Variants in EIF4G3 observed in about 807,000 individuals in gnomAD.
The protein encoded by EIF4G3 is eukaryotic translation initiation factor 4 gamma 3.
Under a neutral mutation model 186.4 loss-of-function variants are expected in EIF4G3, and 34 were observed. That is an observed-to-expected ratio of 0.18 (90% CI 0.14 to 0.24). EIF4G3 has a LOEUF of 0.24. Ranked by LOEUF, EIF4G3 falls within the 10% of genes least tolerant of loss-of-function variation. The pLI, the probability that EIF4G3 is intolerant of heterozygous loss-of-function variation, is 1.00. For missense variants in EIF4G3, 1,536 were observed against 1,948.5 expected (o/e 0.79, Z 3.99); for synonymous variants, 673 against 679.5 (o/e 0.99, Z 0.15).
rs2073195524 is a variant in EIF4G3 at position 20,851,250 on chromosome 1, T to G, written c.3772+8A>C. 2 of 1,613,826 alleles carry G rather than the reference T, an allele frequency of 1.2e-6. No individual in the cohort carries two copies. The highest frequency in any genetic ancestry group is 1.7e-6 in the Non-Finnish European group (2 of 1,179,826). On this transcript the variant is annotated splice_region_variant and intron_variant, in intron 28 of 36. Transcript: ENST00000602326. ...CAAATCTGCATCTGTTTAAGCCAAG[T>G]CTCTCACCTGACTCCCTTGTTTTAT...
At chr1:21,173,206 G>GT (rs1275572716) in intron 2 of EIF4G3, among the ~76,000 whole-genome samples, 7 of 123,230 alleles carry the variant, frequency 5.7e-5, no homozygotes, top group East Asian at 5.6e-4. Context: ...CTTTGATTTT[G>GT]TTTTTTTTGA....
chr1:20,883,095 A>C (rs75025836), intron 19 of EIF4G3, among the ~76,000 whole-genome samples: 3 of 151,894 alleles, frequency 2.0e-5, no homozygotes, highest in East Asian at 1.9e-4. Context: ...AAAAAAAAAA[A>C]CATTTCGCTA....
intron 33 of EIF4G3, among the ~76,000 whole-genome samples, chr1:20,818,567 G>A (rs575558960): frequency 2.0e-5 from 3 of 152,236 alleles, no homozygotes; most frequent in Admixed American, 6.5e-5. Flanking sequence ...GCTTGAGCAT[G>A]GGAGGTTGAG....
At chr1:21,172,750 G>A (rs1018034990) in intron 2 of EIF4G3, among the ~76,000 whole-genome samples, 4 of 149,688 alleles carry the variant, frequency 2.7e-5, no homozygotes, top group South Asian at 2.1e-4. Context: ...GGGTTTCACC[G>A]TGTTAGCCAG....
At chr1:20,901,275 G>C (rs931434060) in intron 15 of EIF4G3, among the ~76,000 whole-genome samples, 1 of 152,052 alleles carries the variant, frequency 6.6e-6, no homozygotes, top group African/African-American at 2.4e-5. Flanking sequence ...TACCAAATTT[G>C]AATCATGAAT....
intron 4 of EIF4G3, among the ~76,000 whole-genome samples, chr1:21,008,189 C>G (rs139178769): frequency 6.6e-6 from 1 of 152,262 alleles, no homozygotes; most frequent in Non-Finnish European, 1.5e-5. Context: ...AGTAGGAAGT[C>G]TGCTATTTTA....
intron 20 of EIF4G3, among the ~76,000 whole-genome samples, chr1:20,875,715 C>T (rs2080568244): frequency 6.6e-6 from 1 of 152,134 alleles, no homozygotes; most frequent in African/African-American, 2.4e-5. Context: ...AGTTTACGAC[C>T]AGTCTGGGCA....
intron 36 of EIF4G3, among the ~76,000 whole-genome samples, chr1:20,808,783 C>T (rs879921622): frequency 1.3e-5 from 2 of 152,086 alleles, no homozygotes; most frequent in South Asian, 2.1e-4. Context: ...CTGTTTTAAA[C>T]GTCCAAACTA....
At position 20,849,402 on chromosome 1, in the gene EIF4G3, T is replaced by A. The variant is rs941209811; in HGVS notation, c.3888+13A>T. On this transcript the variant is annotated intron_variant, in intron 29 of 36. Transcript: ENST00000602326. ...ACTTACTGTGTGTGTGTTTTTTTTT[T>A]AATCTCATTTACCTTAAAATCATTA... 22 of 1,394,628 alleles carry A rather than the reference T, an allele frequency of 1.6e-5. No homozygotes were observed. Among genetic ancestry groups the A allele is most frequent in the East Asian group, 4.8e-5 (2 of 41,498 alleles). 86.4% of individuals were successfully genotyped at this position (1,394,628 alleles called of 1,614,324 possible).
chr1:21,061,196 GTTTT>G (rs199565484), intron 3 of EIF4G3, among the ~76,000 whole-genome samples: 1 of 149,386 alleles, frequency 6.7e-6, no homozygotes, highest in African/African-American at 2.5e-5. Context: ...AGTATTTCAG[GTTTT>G]TTTTTTAATT....
chr1:21,132,554 C>T (rs1309108207), intron 2 of EIF4G3, among the ~76,000 whole-genome samples: 25 of 152,062 alleles, frequency 1.6e-4, no homozygotes, highest in Non-Finnish European at 1.5e-5. Context: ...CCCACCTCAG[C>T]CTCCCAAGTA....
intron 2 of EIF4G3, among the ~76,000 whole-genome samples, chr1:21,157,039 C>A (rs2097674216): frequency 6.6e-6 from 1 of 152,120 alleles, no homozygotes; most frequent in Admixed American, 6.6e-5. Flanking sequence ...GCCTAGGCAA[C>A]AAAGCAAGAC....
chr1:20,812,292 C>T (rs1296991351), intron 35 of EIF4G3, among the ~76,000 whole-genome samples: 3 of 152,122 alleles, frequency 2.0e-5, no homozygotes, highest in African/African-American at 7.2e-5. Flanking sequence ...TTTTGGACTT[C>T]CCAACTCGAA....
At chr1:20,879,641 G>A in intron 19 of EIF4G3, 121 bp from the exon 20 acceptor site, 1 of 547,818 alleles carries the variant, frequency 1.8e-6, no homozygotes, top group East Asian at 3.4e-5. Context: ...AACAAGGACT[G>A]TGAACTAGTG....
intron 2 of EIF4G3, among the ~76,000 whole-genome samples, chr1:21,096,065 A>G (rs949548374): frequency 3.9e-5 from 6 of 152,196 alleles, no homozygotes; most frequent in Admixed American, 1.3e-4. Context: ...ATGGCAAAGC[A>G]AAGGCAGAAG....
intron 17 of EIF4G3, among the ~76,000 whole-genome samples, chr1:20,894,095 A>G (rs1413301422): frequency 5.3e-5 from 8 of 152,126 alleles, no homozygotes. Context: ...CTATGAGTGG[A>G]CAATAAGTCT....
chr1:21,014,478 C>T (rs1325282169), intron 4 of EIF4G3, among the ~76,000 whole-genome samples: 4 of 152,130 alleles, frequency 2.6e-5, no homozygotes, highest in African/African-American at 9.7e-5. Flanking sequence ...CTCCCACCAT[C>T]CATCGTCAAG....
intron 2 of EIF4G3, among the ~76,000 whole-genome samples, chr1:21,159,189 T>C (rs1344426003): frequency 6.6e-6 from 1 of 152,014 alleles, no homozygotes; most frequent in African/African-American, 2.4e-5. Flanking sequence ...TCCCAACACT[T>C]TGGGAGGCCG....
At chr1:21,048,440 G>A (rs1051749835) in intron 4 of EIF4G3, among the ~76,000 whole-genome samples, 3 of 152,096 alleles carry the variant, frequency 2.0e-5, no homozygotes, top group Admixed American at 6.6e-5. Context: ...TATGTAGAAG[G>A]AAAGGGTTTT....
Sources: allele counts gnomAD v4.1 joint callset (sites outside exome capture counted in the v4.1 genomes callset), GRCh38; gene constraint gnomAD v4.1.1; transcripts MANE v1.5; gene names NCBI Gene and HGNC (gene_info 2026-07-23, HGNC 2026-07-21).